The following MSR1 variants were observed in gnomAD, a reference collection of about 807,000 sequenced individuals.
The protein encoded by MSR1 is macrophage scavenger receptor 1.
In MSR1, 53 loss-of-function variants were observed where a neutral mutation model predicts 47.2. That is an observed-to-expected ratio of 1.12 (90% confidence interval 0.90 to 1.41). The LOEUF is 1.41. MSR1 is among the 40% of genes most tolerant of loss of function. MSR1 has a pLI of 0.00. For missense variants in MSR1, 786 were observed against 546.9 expected (o/e 1.44, Z -4.36); for synonymous variants, 239 against 185.6 (o/e 1.29, Z -2.34).
At position 16,168,435 on chromosome 8, in the gene MSR1, C is replaced by T. The variant is rs897488485; in HGVS notation, c.630+23G>A. 9 of 1,613,074 alleles carry T rather than the reference C, an allele frequency of 5.6e-6. No individual in the cohort carries two copies. The African/African-American group carries it at 1.1e-4, about 19-fold the overall frequency. On this transcript the variant is annotated intron_variant, in intron 4 of 9. Transcript: ENST00000262101. ...GGATGGATTCAGTTCCAGCAAGTGA[C>T]CTTGCAGTCCACAAACTCTTACCTC...
rs146631657 is a variant in MSR1 at position 16,155,073 on chromosome 8, C to T, written c.889G>A (p.Gly297Ser). The T allele has an allele frequency of 4.1e-5, 66 of 1,611,450 alleles. No homozygotes were observed. Among genetic ancestry groups the T allele is most frequent in the Non-Finnish European group, 5.3e-5 (63 of 1,178,244 alleles). Residue 297 changes from glycine to serine, a missense_variant, in exon 6 of 10, where the codon GGT (glycine) becomes AGT (serine). Gly to Ser is a moderately conservative substitution (Grantham distance 56). Transcript: ENST00000262101. ...GCTAAAATTACCATACCTATTGGAC[C>T]TGGAAATCCTCGTGGACCACTTTCT... ...TGESGPRGFPGPIGPPGLKGD... is the reference protein window; with the variant it reads ...TGESGPRGFPSPIGPPGLKGD...
At chr8:16,136,334 AG>A (rs1045486970) in intron 8 of MSR1, among the ~76,000 whole-genome samples, 2 of 152,196 alleles carry the variant, frequency 1.3e-5, no homozygotes, top group Non-Finnish European at 2.9e-5. Context: ...ACCCTCCACC[AG>A]AAAAAGATAA....
chr8:16,128,767 A>G (rs143511724), intron 8 of MSR1, among the ~76,000 whole-genome samples: 3 of 152,106 alleles, frequency 2.0e-5, no homozygotes, highest in Admixed American at 6.6e-5. Flanking sequence ...CACACTGAAA[A>G]TCTCTTTTCC....
chr8:16,143,758 T>C, intron 7 of MSR1, 147 bp from the exon 8 acceptor site: 2 of 644,536 alleles, frequency 3.1e-6, no homozygotes, highest in Admixed American at 5.2e-5. Context: ...ATGTTAACAA[T>C]AATAATAGTT....
rs761260712 is a variant in MSR1, at chr8:16,143,555, T to C, written c.1033+3A>G. ...CACAGAAAACAAAATACTATATACT[T>C]ACTTAATGTGTTTCCACTCCCCTTT... On this transcript the variant is annotated splice_donor_region_variant and intron_variant, in intron 8 of 9. Coordinates refer to ENST00000262101, the MANE Select transcript of MSR1 (RefSeq NM_138715.3). 6.2e-7 allele frequency: 1 copy of C among 1,610,986 alleles called. No individual in the cohort carries two copies. Among genetic ancestry groups the C allele is most frequent in the South Asian group, 1.1e-5 (1 of 91,006 alleles).
rs911138151 is a variant in MSR1 at position 16,108,275 on chromosome 8, T to C, written c.*1810A>G. 7.9e-5 allele frequency: 12 copies of C among 151,038 alleles called. No individual in the cohort carries two copies. Among genetic ancestry groups the C allele is most frequent in the Non-Finnish European group, 1.6e-4 (11 of 67,786 alleles). The allele number at this position is 151,038 out of a possible 1,614,324, so 9.4% of individuals were successfully genotyped here. ...TTTTATTTTAAAATAAAAATAGTAA[T>C]AGTAATAGTACTATTATTAGTGTTA... On this transcript the variant is annotated 3_prime_UTR_variant, in exon 10 of 10. Coordinates refer to ENST00000262101, the MANE Select transcript of MSR1 (RefSeq NM_138715.3).
chr8:16,150,859 CA>C (rs1800837479), intron 6 of MSR1, among the ~76,000 whole-genome samples: 1 of 150,234 alleles, frequency 6.7e-6, no homozygotes, highest in Admixed American at 6.6e-5. Flanking sequence ...TAAACACACA[CA>C]CACACACACA....
In MSR1 at chr8:16,108,631, C is replaced by G. The variant is rs1486440289; in HGVS notation, c.*1454G>C. The G allele has an allele frequency of 6.6e-6, 1 of 152,120 alleles. No individual in the cohort carries two copies. Among genetic ancestry groups the G allele is most frequent in the Non-Finnish European group, 1.5e-5 (1 of 67,996 alleles). The allele number at this position is 152,120 out of a possible 1,614,324, so 9.4% of individuals were successfully genotyped here. On this transcript the variant is annotated 3_prime_UTR_variant, in exon 10 of 10. Coordinates refer to ENST00000262101, the MANE Select transcript of MSR1 (RefSeq NM_138715.3). The stretch of plus-strand genomic sequence containing the variant: ...AGAAAGTGTACATTCAGAATTCATT[C>G]TCTTAACCACAAAATTATGCTGCCA...
chr8:16,174,664 G>C (rs553733219), intron 3 of MSR1, among the ~76,000 whole-genome samples: 1 of 152,168 alleles, frequency 6.6e-6, no homozygotes, highest in Admixed American at 6.5e-5. Flanking sequence ...ATATAAGCTG[G>C]ATTTTACTAA....
chr8:16,146,100 G>C (rs1219061181), intron 7 of MSR1, among the ~76,000 whole-genome samples: 1 of 152,044 alleles, frequency 6.6e-6, no homozygotes, highest in Non-Finnish European at 1.5e-5. Context: ...TACTAGGTTA[G>C]ACATTTCTGC....
At chr8:16,168,288 T>C (rs951874492) in intron 4 of MSR1, among the ~76,000 whole-genome samples, 170 bp downstream of exon 4, 8 of 152,336 alleles carry the variant, frequency 5.3e-5, no homozygotes, top group African/African-American at 1.9e-4. Context: ...GCGAATCCAT[T>C]TTAAATCCCT....
intron 8 of MSR1, among the ~76,000 whole-genome samples, chr8:16,121,461 C>G (rs1047780602): frequency 6.6e-6 from 1 of 151,748 alleles, no homozygotes; most frequent in African/African-American, 2.4e-5. Context: ...GCACTTTGAC[C>G]TAGTGACAGA....
chr8:16,173,870 C>T (rs184206726), intron 3 of MSR1, among the ~76,000 whole-genome samples: 9 of 152,172 alleles, frequency 5.9e-5, no homozygotes, highest in African/African-American at 1.9e-4. Flanking sequence ...AGGATGGTCT[C>T]GATCTCCTGA....
At chr8:16,159,773 C>T (rs891202133) in intron 5 of MSR1, among the ~76,000 whole-genome samples, 1 of 151,814 alleles carries the variant, frequency 6.6e-6, no homozygotes, top group African/African-American at 2.4e-5. Flanking sequence ...TGAGAGAATA[C>T]TTAATGTTCC....
At chr8:16,171,074 A>C (rs1318058585) in intron 3 of MSR1, among the ~76,000 whole-genome samples, 1 of 151,990 alleles carries the variant, frequency 6.6e-6, no homozygotes, top group South Asian at 2.1e-4. Flanking sequence ...GAATACAAAA[A>C]TTAGCCAGGC....
chr8:16,154,021 C>G (rs138216130), intron 6 of MSR1, among the ~76,000 whole-genome samples: 297 of 151,612 alleles, frequency 2.0e-3, no homozygotes, highest in African/African-American at 6.1e-3. Context: ...ACATGTGTAC[C>G]TGGATGTATA....
intron 1 of MSR1, among the ~76,000 whole-genome samples, chr8:16,191,408 T>C (rs961405567): frequency 1.6e-4 from 25 of 152,312 alleles, no homozygotes; most frequent in African/African-American, 4.6e-4. Flanking sequence ...ATGTAAAATA[T>C]GATCACAATA....
intron 3 of MSR1, among the ~76,000 whole-genome samples, chr8:16,173,839 C>T (rs192891659): frequency 0.012 from 1,854 of 152,148 alleles, 33 homozygotes; most frequent in African/African-American, 0.042. Context: ...TTAGTAGAGA[C>T]GGGTTTTCAC....
intron 1 of MSR1, among the ~76,000 whole-genome samples, chr8:16,191,889 T>C (rs547414472): frequency 3.3e-5 from 5 of 152,316 alleles, no homozygotes; most frequent in South Asian, 2.1e-4. Context: ...TTATTTTTGA[T>C]AGACTTTTTT....
Sources: gnomAD v4.1 joint callset for allele counts (sites outside exome capture counted in the v4.1 genomes callset) on GRCh38, gnomAD v4.1.1 for gene constraint, MANE v1.5 for transcripts, NCBI Gene and HGNC (gene_info 2026-07-23, HGNC 2026-07-21) for gene names.